Variants in SYN2 observed in about 807,000 individuals in gnomAD.
SYN2 encodes synapsin II.
SYN2 carries 19 observed loss-of-function variants against 50.9 expected under a neutral mutation model. The ratio of observed to expected loss-of-function variants is 0.37; its 90% CI spans 0.26 to 0.55. SYN2 has a LOEUF of 0.55. SYN2 is among the 20% of genes least tolerant of loss of function. SYN2 has a pLI of 0.81. For synonymous variants in SYN2, 255 were observed against 224.9 expected (o/e 1.13, Z -1.20); for missense variants, 587 against 576.4 (o/e 1.02, Z -0.19).
chr3:12,072,153 A>G (rs1307204518), intron 1 of SYN2, among the ~76,000 whole-genome samples: 11 of 152,290 alleles, frequency 7.2e-5, no homozygotes, highest in African/African-American at 2.4e-4. Flanking sequence ...AGAAATATCT[A>G]TTTAAATCTT....
At chr3:12,189,664 A>G (rs1346180278) in intron 12 of SYN2, among the ~76,000 whole-genome samples, 2 of 152,176 alleles carry the variant, frequency 1.3e-5, no homozygotes, top group African/African-American at 4.8e-5. Flanking sequence ...TTAGCTGGGC[A>G]TGGTGGCAAC....
intron 7 of SYN2, among the ~76,000 whole-genome samples, chr3:12,163,225 G>C (rs1213145939): frequency 7.5e-6 from 1 of 132,886 alleles, no homozygotes; most frequent in East Asian, 2.2e-4. Flanking sequence ...CTGGGCGACA[G>C]TGCAAGACTC....
Position 12,077,567 on chromosome 3 carries a change from G to A in SYN2, c.378-63084G>A, listed in dbSNP as rs113083324. 3.7e-3 allele frequency among the ~76,000 whole-genome samples: 566 copies of A among 152,210 alleles called. 2 individuals are homozygous for A. Among genetic ancestry groups the A allele is most frequent in the African/African-American group, 0.011 (470 of 41,524 alleles). ...CTTCTACTTACAAGTGAGAATATGC[G>A]GTGTTTGGTTTTCTGTTCCTGTGTT... On this transcript the variant is annotated intron_variant, in intron 1 of 12. Transcript: ENST00000621198.
intron 1 of SYN2, among the ~76,000 whole-genome samples, chr3:12,064,714 AAGAC>A (rs777951734): frequency 4.6e-5 from 7 of 152,160 alleles, no homozygotes; most frequent in Non-Finnish European, 4.4e-5. Context: ...TATAATAAAA[AAGAC>A]AGAGAATAAC....
chr3:12,148,010 T>A (rs308958), intron 4 of SYN2, among the ~76,000 whole-genome samples: 136,778 of 152,022 alleles, frequency 0.9, 61,652 homozygotes, highest in African/African-American at 0.95. Flanking sequence ...GCAACTTAGG[T>A]GGCTGAGGCG....
intron 1 of SYN2, among the ~76,000 whole-genome samples, chr3:12,130,076 A>G (rs999476295): frequency 6.6e-6 from 1 of 152,130 alleles, no homozygotes; most frequent in Admixed American, 6.5e-5. Context: ...CAGATCTGTG[A>G]GAAATAAATG....
At chr3:12,018,809 G>A (rs865924279) in intron 1 of SYN2, among the ~76,000 whole-genome samples, 120 of 152,318 alleles carry the variant, frequency 7.9e-4, no homozygotes, top group African/African-American at 2.8e-3. Flanking sequence ...ATTTCAATAT[G>A]TATTGTCTGA....
intron 4 of SYN2, among the ~76,000 whole-genome samples, chr3:12,146,249 A>G (rs1316453542): frequency 2.0e-5 from 3 of 152,244 alleles, no homozygotes; most frequent in African/African-American, 4.8e-5. Flanking sequence ...GCCTGAGCCC[A>G]GTGACAACCA....
In SYN2 at chr3:12,064,562, G is replaced by A. The variant is rs140178310; in HGVS notation, c.377+59634G>A. Among the ~76,000 whole-genome samples the A allele has an allele frequency of 7.7e-3, 1,176 of 152,062 alleles. 11 individuals carry two copies. Among genetic ancestry groups the A allele is most frequent in the Middle Eastern group, 0.024 (7 of 294 alleles). On this transcript the variant is annotated intron_variant, in intron 1 of 12. Transcript: ENST00000621198. ...AAGAGACAACCCATATTTTAAAGGG[G>A]CAAAGGATTTGAATAGACATTTCTC...
chr3:12,180,574 G>GCA (rs1344458510), intron 10 of SYN2, among the ~76,000 whole-genome samples: 2 of 152,224 alleles, frequency 1.3e-5, no homozygotes, highest in Non-Finnish European at 2.9e-5. Flanking sequence ...GGTGGAGCCA[G>GCA]GGTGTCTCAG....
chr3:12,045,359 C>T (rs953480383), intron 1 of SYN2, among the ~76,000 whole-genome samples: 5 of 151,930 alleles, frequency 3.3e-5, no homozygotes, highest in African/African-American at 9.7e-5. Flanking sequence ...TTGCTGCAAG[C>T]GGAGTTTTGT....
chr3:12,086,861 G>C (rs556873477), intron 1 of SYN2, among the ~76,000 whole-genome samples: 22 of 152,072 alleles, frequency 1.4e-4, no homozygotes, highest in Non-Finnish European at 2.9e-4. Flanking sequence ...TTCCTAGCTA[G>C]AGCAATTAGG....
chr3:12,051,437 C>T (rs1355784823), intron 1 of SYN2, among the ~76,000 whole-genome samples: 2 of 80,636 alleles, frequency 2.5e-5, no homozygotes, highest in Non-Finnish European at 5.5e-5. Flanking sequence ...TTTTGTCCTC[C>T]AGAGCTACTG....
chr3:12,183,792 AG>A, intron 11 of SYN2: 29 of 1,062,554 alleles, frequency 2.7e-5, no homozygotes, highest in Non-Finnish European at 3.1e-5. Context: ...AAATGGGAGT[AG>A]GGGGGTGGAC....
intron 1 of SYN2, among the ~76,000 whole-genome samples, chr3:12,005,939 A>G (rs957330582): frequency 6.6e-6 from 1 of 152,006 alleles, no homozygotes; most frequent in Non-Finnish European, 1.5e-5. Context: ...GCTTGGAGAA[A>G]TGAAGAGGCC....
At chr3:12,095,299 C>T (rs564386421) in intron 1 of SYN2, among the ~76,000 whole-genome samples, 59 of 150,778 alleles carry the variant, frequency 3.9e-4, no homozygotes, top group African/African-American at 1.3e-3. Context: ...AATCCTAGCA[C>T]ATTGGGAGGC....
chr3:12,158,997 A>G lies in SYN2; in HGVS notation c.775-2549A>G, dbSNP rs889858181. ...ACGGGCTCCGCCTTCCTTTGGCTCTAGGCCACCCGCGGAGGCAGGACCCGA... is the reference window on the plus strand; with the variant it reads ...ACGGGCTCCGCCTTCCTTTGGCTCTGGGCCACCCGCGGAGGCAGGACCCGA... On this transcript the variant is annotated intron_variant, in intron 5 of 12. Transcript: ENST00000621198. 11 of 1,121,608 alleles carry G rather than the reference A, an allele frequency of 9.8e-6. No individual in the cohort carries two copies. In the African/African-American group the frequency reaches 1.8e-4, roughly 18 times the overall value. The allele number at this position is 1,121,608 out of a possible 1,614,324, so 69.5% of individuals were successfully genotyped here.
chr3:12,163,196 C>G (rs867843120), intron 7 of SYN2, among the ~76,000 whole-genome samples: 4 of 145,896 alleles, frequency 2.7e-5, no homozygotes, highest in African/African-American at 1.0e-4. Context: ...GAGCCGAGAT[C>G]GCGCCACTGC....
intron 1 of SYN2, among the ~76,000 whole-genome samples, chr3:12,075,735 G>A (rs1013658679): frequency 6.6e-6 from 1 of 152,076 alleles, no homozygotes. Context: ...TGATTTAAAG[G>A]ATGCTTTCCA....
Sources: gnomAD v4.1 joint callset for allele counts (sites outside exome capture counted in the v4.1 genomes callset) on GRCh38, gnomAD v4.1.1 for gene constraint, MANE v1.5 for transcripts, NCBI Gene and HGNC (gene_info 2026-07-23, HGNC 2026-07-21) for gene names.